Variants in GGA2 observed in about 807,000 individuals in gnomAD.
The protein encoded by GGA2 is golgi associated, gamma adaptin ear containing, ARF binding protein 2.
GGA2 carries 48 observed loss-of-function variants against 79.5 expected under a neutral mutation model. That is an observed-to-expected ratio of 0.60 (90% CI 0.48 to 0.77). The LOEUF is 0.77. Ranked by LOEUF, GGA2 falls within the 30% of genes least tolerant of loss-of-function variation. The pLI, the probability that GGA2 is intolerant of heterozygous loss-of-function variation, is 0.00. For missense variants in GGA2, 770 were observed against 774.0 expected (o/e 0.99, Z 0.06); for synonymous variants, 317 against 302.0 (o/e 1.05, Z -0.51).
At chr16:23,512,305 C>T (rs1321435901), upstream of GGA2, among the ~76,000 whole-genome samples, 1 of 152,154 alleles carries the variant, frequency 6.6e-6, no homozygotes. Context: ...CAATTTAACC[C>T]CAAAGGGCCT....
At position 23,478,883 on chromosome 16, in the gene GGA2, C is replaced by T; in HGVS notation, c.1158G>A (p.Met386Ile). ...CGGGCCCTGGGAAGGGCATCCTTAC[C>T]ATGCCTGTAACAGGAGCATCACTGA... ...LGISDAPVTGMVSGQNCCEEK... is the reference protein window; with the variant it reads ...LGISDAPVTGIVSGQNCCEEK... Residue 386 changes from methionine to isoleucine, a missense_variant and splice_region_variant, in exon 12 of 17, where the codon ATG becomes ATA. Met to Ile is a conservative substitution (Grantham distance 10). Transcript: ENST00000309859. The T allele has an allele frequency of 6.2e-7, 1 of 1,603,914 alleles. No homozygotes were observed. Among genetic ancestry groups the T allele is most frequent in the Non-Finnish European group, 8.5e-7 (1 of 1,171,302 alleles).
intron 9 of GGA2, among the ~76,000 whole-genome samples, chr16:23,482,033 G>GA: frequency 1.3e-5 from 2 of 152,076 alleles, no homozygotes; most frequent in Non-Finnish European, 2.9e-5. Context: ...TTGGGAAGCC[G>GA]AGGCAGACGG....
intron 1 of GGA2, among the ~76,000 whole-genome samples, chr16:23,504,742 G>A (rs1207106462): frequency 6.6e-6 from 1 of 152,138 alleles, no homozygotes; most frequent in East Asian, 1.9e-4. Flanking sequence ...CTCTGTTTTG[G>A]GCTATCCCAG....
chr16:23,510,377 C>CCCGCCACAGCCG lies in GGA2; in HGVS notation c.23_34dup (p.Ala8_Ala11dup), dbSNP rs1436097794. On this transcript the variant is annotated inframe_insertion, in exon 1 of 17. Coordinates refer to ENST00000309859, the MANE Select transcript of GGA2 (RefSeq NM_015044.4). ...CGGGGGACCCTGGGCCGACTCGGTTCCCGCCACAGCCGCCGCCACCGCGGT... is the reference window on the plus strand; with the variant it reads ...CGGGGGACCCTGGGCCGACTCGGTTCCCGCCACAGCCGCCGCCACAGCCGCCGCCACCGCGGT... 8 of 1,414,514 alleles carry CCCGCCACAGCCG rather than the reference C, an allele frequency of 5.7e-6. No individual in the cohort carries two copies. The highest frequency in any genetic ancestry group is 5.4e-5 in the Admixed American group (2 of 36,922). 87.6% of individuals were successfully genotyped at this position (1,414,514 alleles called of 1,614,324 possible).
chr16:23,513,395 G>T (rs1965085097), upstream of GGA2, among the ~76,000 whole-genome samples: 1 of 152,008 alleles, frequency 6.6e-6, no homozygotes, highest in Non-Finnish European at 1.5e-5. Context: ...CCCAAGATGG[G>T]TCAGGGAAAC....
At chr16:23,522,564 G>A (rs964103550), upstream of GGA2, 6 of 151,956 alleles carry the variant, frequency 3.9e-5, no homozygotes, top group East Asian at 1.9e-4. Context: ...TGCAACCAAC[G>A]AACTTAATGG....
intron 14 of GGA2, among the ~76,000 whole-genome samples, chr16:23,472,733 TA>T (rs972556430): frequency 5.4e-5 from 8 of 147,134 alleles, no homozygotes; most frequent in African/African-American, 1.3e-4. Context: ...TAAAATAATT[TA>T]AAAAAAAAGA....
chr16:23,518,059 C>A (rs1260152674), intron 2 of GGA2, among the ~76,000 whole-genome samples: 1 of 151,884 alleles, frequency 6.6e-6, no homozygotes, highest in South Asian at 2.1e-4. Context: ...ATTACAGGTG[C>A]GCACCACCAT....
At chr16:23,494,464 T>A in intron 2 of GGA2, 86 bp from the exon 3 acceptor site, 1 of 892,910 alleles carries the variant, frequency 1.1e-6, no homozygotes. Context: ...AAATCACTTT[T>A]CTTCCAGGGG....
intron 14 of GGA2, 24 bp downstream of exon 14, chr16:23,474,879 AG>A (rs1394891976): frequency 1.3e-6 from 2 of 1,541,910 alleles, no homozygotes; most frequent in African/African-American, 2.7e-5. Context: ...AAAAAAAAAA[AG>A]GTGGGGAGTG....
chr16:23,497,925 G>C (rs1249663384), intron 1 of GGA2, among the ~76,000 whole-genome samples: 1 of 152,194 alleles, frequency 6.6e-6, no homozygotes, highest in African/African-American at 2.4e-5. Flanking sequence ...CTTGAGCCTA[G>C]GAGGTTGAGA....
intron 7 of GGA2, 44 bp downstream of exon 7, chr16:23,486,666 C>T: frequency 9.2e-7 from 1 of 1,088,184 alleles, no homozygotes. Flanking sequence ...CCTTCAGCCT[C>T]TGTCAAATGC....
chr16:23,493,850 T>C (rs1964821057), intron 3 of GGA2: 1 of 301,318 alleles, frequency 3.3e-6, no homozygotes, highest in Non-Finnish European at 6.3e-6. Context: ...AAGCTGAGCC[T>C]GCAGACCCCT....
At chr16:23,512,454 T>C (rs115783705), upstream of GGA2, among the ~76,000 whole-genome samples, 2,019 of 152,220 alleles carry the variant, frequency 0.013, 50 homozygotes, top group African/African-American at 0.046. Flanking sequence ...TCTTAGACCA[T>C]AGGTACGTAT....
chr16:23,479,955 T>C (rs1311436440), intron 10 of GGA2, 68 bp from the exon 11 acceptor site: 9 of 1,474,070 alleles, frequency 6.1e-6, no homozygotes, highest in Non-Finnish European at 8.4e-6. Flanking sequence ...ATAAATCCTA[T>C]CAGCTTCCCT....
At chr16:23,472,663 G>A (rs1011284405) in intron 14 of GGA2, among the ~76,000 whole-genome samples, 1 of 150,348 alleles carries the variant, frequency 6.7e-6, no homozygotes, top group African/African-American at 2.4e-5. Flanking sequence ...AGCTGAGATG[G>A]CGCCACTGCA....
At chr16:23,500,621 G>A (rs1331936418) in intron 1 of GGA2, among the ~76,000 whole-genome samples, 4 of 152,150 alleles carry the variant, frequency 2.6e-5, no homozygotes, top group Admixed American at 6.5e-5. Flanking sequence ...GAGCAGAGGC[G>A]TCGCAGATGG....
intron 8 of GGA2, among the ~76,000 whole-genome samples, chr16:23,484,290 T>C (rs1431694364): frequency 6.6e-6 from 1 of 150,830 alleles, no homozygotes; most frequent in Non-Finnish European, 1.5e-5. Flanking sequence ...TGCTGGCACA[T>C]TCCTGTAATC....
chr16:23,475,171 G>T, intron 13 of GGA2, 110 bp from the exon 14 acceptor site: 2 of 539,274 alleles, frequency 3.7e-6, no homozygotes, highest in Admixed American at 3.5e-5. Context: ...CACACACACA[G>T]AGTTAGATGT....
Sources: gnomAD v4.1 joint callset for allele counts (sites outside exome capture counted in the v4.1 genomes callset) on GRCh38, gnomAD v4.1.1 for gene constraint, MANE v1.5 for transcripts, NCBI Gene and HGNC (gene_info 2026-07-23, HGNC 2026-07-21) for gene names.